Variants in TMEM245 observed in about 807,000 individuals in gnomAD.
TMEM245 encodes the protein protein CG-2.
TMEM245 carries 69 observed loss-of-function variants against 101.2 expected under a neutral mutation model. The ratio of observed to expected loss-of-function variants is 0.68; its 90% CI spans 0.56 to 0.83. TMEM245 has a LOEUF of 0.83. TMEM245 is among the 40% of genes least tolerant of loss of function. The probability of loss-of-function intolerance (pLI) is 0.00; values close to 1 mark genes in which losing one functional copy is unlikely to be tolerated. For synonymous variants in TMEM245, 537 were observed against 449.8 expected, an observed-to-expected ratio of 1.19 and a Z score of -2.45; for missense variants, 1,075 against 1,092.8, an observed-to-expected ratio of 0.98 and a Z score of 0.23.
chr9:109,106,007 C>T (rs997837881), intron 3 of TMEM245, among the ~76,000 whole-genome samples: 1 of 152,118 alleles, frequency 6.6e-6, no homozygotes, highest in Non-Finnish European at 1.5e-5. Context: ...CTCCTGACCT[C>T]GTGATCCGCT....
chr9:109,102,752 CAT>C (rs1830311377), intron 3 of TMEM245, among the ~76,000 whole-genome samples: 1 of 152,362 alleles, frequency 6.6e-6, no homozygotes, highest in Non-Finnish European at 1.5e-5. Flanking sequence ...CTGCAACACA[CAT>C]ATTATCTGAG....
rs958581900 is a variant in TMEM245, at chr9:109,019,768, C to A, written c.*692G>T. The A allele has an allele frequency of 6.6e-6, 1 of 152,480 alleles. No homozygotes were observed. Among genetic ancestry groups the A allele is most frequent in the African/African-American group, 2.4e-5 (1 of 41,412 alleles). 9.4% of individuals were successfully genotyped at this position (152,480 alleles called of 1,614,324 possible). A position where few individuals can be genotyped will look rare whatever the true frequency, so the allele number is the denominator to read the frequency against. ...CAGCTTAATAAGTATTTCACTTCAA[C>A]GTGGTCAGCCAAGTTTTATAATTTG... On this transcript the variant is annotated 3_prime_UTR_variant, in exon 18 of 18. Coordinates refer to ENST00000374586, the MANE Select transcript of TMEM245 (RefSeq NM_032012.4).
rs771947659 is a variant in TMEM245 at position 109,073,368 on chromosome 9, G to T, written c.1520C>A (p.Pro507His). The T allele has an allele frequency of 1.9e-6, 3 of 1,612,338 alleles. No individual in the cohort carries two copies. The South Asian group carries it at 3.3e-5, about 18-fold the overall frequency. ...ACAATATTCTTACTTTGCCCACTCA[G>T]GGTGATTTGCTAGAGTTTCATTAAT... ...NLINETLANHPEWANWLPEAQ... is the reference protein window; with the variant it reads ...NLINETLANHHEWANWLPEAQ... Residue 507 changes from proline to histidine, a missense_variant, in exon 9 of 18, where the codon CCT becomes CAT. Transcript: ENST00000374586.
In TMEM245 at chr9:109,091,151, TG is replaced by T; in HGVS notation, c.920del (p.Ala307GlufsTer36). The T allele has an allele frequency of 1.9e-6, 3 of 1,612,988 alleles. No homozygotes were observed. Among genetic ancestry groups the T allele is most frequent in the Non-Finnish European group, 2.5e-6 (3 of 1,179,366 alleles). ...TTGGAGCGGATTCTCCCCTGTCCAC[TG>T]CTTCTGAAAAGGAAAAGAAAAACAC... Reference protein sequence around the residue: ...EDQPSTQPAEAVDRGESAPTL... With the variant: ...EDQPSTQPAEXVDRGESAPTL... On this transcript the variant is annotated frameshift_variant, in exon 5 of 18. Transcript: ENST00000374586. LOFTEE classifies it high-confidence loss of function.
chr9:109,064,642 A>T, intron 9 of TMEM245, 75 bp from the exon 10 acceptor site: 2 of 1,222,602 alleles, frequency 1.6e-6, no homozygotes, highest in Non-Finnish European at 2.4e-6. Flanking sequence ...TGAACTTGAT[A>T]TGCTTAATCC....
At chr9:109,084,976 T>C (rs1490625665) in intron 7 of TMEM245, among the ~76,000 whole-genome samples, 1 of 152,214 alleles carries the variant, frequency 6.6e-6, no homozygotes, top group Non-Finnish European at 1.5e-5. Context: ...TGATCTATTT[T>C]CAAGAAGTAC....
intron 11 of TMEM245, among the ~76,000 whole-genome samples, chr9:109,057,925 CTTTT>C (rs35332085): frequency 8.9e-6 from 1 of 112,750 alleles, no homozygotes; most frequent in South Asian, 2.9e-4. Context: ...CATTTACTTT[CTTTT>C]TTTTTTTTTT....
chr9:109,020,352 C>A lies in TMEM245; in HGVS notation c.*108G>T. 1 of 1,092,954 alleles carries A rather than the reference C, an allele frequency of 9.1e-7. No homozygotes were observed. Among genetic ancestry groups the A allele is most frequent in the Non-Finnish European group, 1.4e-6 (1 of 705,014 alleles). 67.7% of individuals were successfully genotyped at this position (1,092,954 alleles called of 1,614,324 possible). A position where few individuals can be genotyped will look rare whatever the true frequency, so the allele number is the denominator to read the frequency against. ...AAGGCCAGGAGGCTTCTGCTTCTTTCCTGGGTTTTGCTTGCTAGGCACAGC... is the reference window on the plus strand; with the variant it reads ...AAGGCCAGGAGGCTTCTGCTTCTTTACTGGGTTTTGCTTGCTAGGCACAGC... On this transcript the variant is annotated 3_prime_UTR_variant, in exon 18 of 18. Coordinates refer to ENST00000374586, the MANE Select transcript of TMEM245 (RefSeq NM_032012.4).
intron 11 of TMEM245, among the ~76,000 whole-genome samples, chr9:109,060,108 AG>A (rs1828964728): frequency 6.6e-6 from 1 of 152,222 alleles, no homozygotes; most frequent in African/African-American, 2.4e-5. Context: ...GAGCTAGTCT[AG>A]GGGATGAGAT....
At chr9:109,071,166 C>G (rs1829319935) in intron 9 of TMEM245, among the ~76,000 whole-genome samples, 1 of 152,014 alleles carries the variant, frequency 6.6e-6, no homozygotes, top group African/African-American at 2.4e-5. Context: ...CAGGCGTGAG[C>G]CACCCACCGC....
chr9:109,068,891 G>A (rs965546976), intron 9 of TMEM245, among the ~76,000 whole-genome samples: 5 of 152,190 alleles, frequency 3.3e-5, no homozygotes, highest in Non-Finnish European at 5.9e-5. Flanking sequence ...GAGGATGGGT[G>A]TGGCTGTTAA....
intron 17 of TMEM245, among the ~76,000 whole-genome samples, chr9:109,031,219 T>C (rs1827935610): frequency 6.6e-6 from 1 of 152,242 alleles, no homozygotes; most frequent in Non-Finnish European, 1.5e-5. Flanking sequence ...TTTAGGTATA[T>C]GTCCAACTAC....
At chr9:109,046,088 T>C in intron 14 of TMEM245, 2 of 256,304 alleles carry the variant, frequency 7.8e-6, no homozygotes, top group South Asian at 4.4e-5. Flanking sequence ...AAGGTACCGA[T>C]GGGAAGCATG....
chr9:109,108,989 A>T (rs370348470), intron 1 of TMEM245, among the ~76,000 whole-genome samples: 13 of 152,214 alleles, frequency 8.5e-5, no homozygotes, highest in African/African-American at 3.1e-4. Context: ...CTTTCCAAAA[A>T]GAATCAGGTT....
chr9:109,116,081 G>A (rs1365688549), intron 1 of TMEM245, among the ~76,000 whole-genome samples: 1 of 152,158 alleles, frequency 6.6e-6, no homozygotes, highest in Non-Finnish European at 1.5e-5. Context: ...TAGTGCCTGG[G>A]ACATGGCAGA....
chr9:109,054,010 A>C (rs1049836397), intron 12 of TMEM245, among the ~76,000 whole-genome samples: 15 of 152,300 alleles, frequency 9.8e-5, no homozygotes, highest in African/African-American at 3.6e-4. Flanking sequence ...ACGCCATTTC[A>C]ACACAGCCAC....
At chr9:109,056,673 T>C (rs896797478) in intron 12 of TMEM245, among the ~76,000 whole-genome samples, 3 of 152,144 alleles carry the variant, frequency 2.0e-5, no homozygotes, top group Non-Finnish European at 4.4e-5. Context: ...TTTTGTTCAC[T>C]TGATGAAAGT....
intron 3 of TMEM245, among the ~76,000 whole-genome samples, chr9:109,098,081 C>T (rs570680940): frequency 3.3e-4 from 51 of 152,258 alleles, no homozygotes; most frequent in Non-Finnish European, 6.3e-4. Flanking sequence ...CCTCTCCTCC[C>T]CTTTCTACTT....
intron 8 of TMEM245, among the ~76,000 whole-genome samples, chr9:109,076,300 T>A (rs916558710): frequency 5.2e-4 from 77 of 147,680 alleles, no homozygotes; most frequent in African/African-American, 1.7e-3. Flanking sequence ...AAACACCACA[T>A]GTTCTCACTC....
Sources: allele counts gnomAD v4.1 joint callset (sites outside exome capture counted in the v4.1 genomes callset), GRCh38; gene constraint gnomAD v4.1.1; transcripts MANE v1.5; gene names NCBI Gene and HGNC (gene_info 2026-07-23, HGNC 2026-07-21).